The following NCOR2 variants were observed in gnomAD, a reference collection of about 807,000 sequenced individuals.
NCOR2 encodes CTG repeat protein 26.
NCOR2 carries 81 observed loss-of-function variants against 262.9 expected under a neutral mutation model. The observed-to-expected ratio is 0.31, with a 90% CI of 0.26 to 0.37. NCOR2 has a LOEUF of 0.37. NCOR2 is among the 10% of genes least tolerant of loss of function. The pLI, the probability that NCOR2 is intolerant of heterozygous loss-of-function variation, is 1.00. For missense variants in NCOR2, 3,385 were observed against 3,621.4 expected (o/e 0.93, Z 1.68); for synonymous variants, 1,659 against 1,559.3 (o/e 1.06, Z -1.51).
rs550220671 is a variant in NCOR2, at chr12:124,442,182, CT to C, written c.816-4187del. 2.4e-4 allele frequency among the ~76,000 whole-genome samples: 36 copies of C among 152,314 alleles called. No individual in the cohort carries two copies. In the East Asian group the frequency reaches 6.7e-3, roughly 29 times the overall value. On this transcript the variant is annotated intron_variant, in intron 7 of 46. Coordinates refer to ENST00000405201, the Ensembl canonical transcript of NCOR2. The stretch of plus-strand genomic sequence containing the variant: ...TTTTAGAGACAGGGTCTTACTCTGT[CT>C]CCCAGGCGGGAGTGCAGTGGCTCGA...
chr12:124,446,718 CAATGAAATTT>C (rs1208668932), intron 7 of NCOR2, among the ~76,000 whole-genome samples: 1 of 151,942 alleles, frequency 6.6e-6, no homozygotes, highest in East Asian at 1.9e-4. Context: ...AATGACTGCA[CAATGAAATTT>C]AATGATAACC....
chr12:124,337,183 G>A lies in NCOR2; in HGVS notation c.5688-3C>T, dbSNP rs1433085045. ...CGGGTGAGGAGGTGGAGGTGGACCT[G>A]GGGGAGGAGAGAAGGCGGTCAGGCA... On this transcript the variant is annotated splice_polypyrimidine_tract_variant and splice_region_variant and intron_variant, in intron 37 of 46. Coordinates refer to ENST00000405201, the Ensembl canonical transcript of NCOR2. 1.9e-6 allele frequency: 3 copies of A among 1,544,106 alleles called. No individual in the cohort carries two copies. Among genetic ancestry groups the A allele is most frequent in the African/African-American group, 2.7e-5 (2 of 72,984 alleles).
At chr12:124,334,012 G>A (rs1405140109) in intron 41 of NCOR2, among the ~76,000 whole-genome samples, 1 of 152,084 alleles carries the variant, frequency 6.6e-6, no homozygotes, top group Non-Finnish European at 1.5e-5. Flanking sequence ...GCGCATGTGT[G>A]TGGGTGTGCA....
At chr12:124,555,304 AG>A (rs1355571851) in intron 1 of NCOR2, among the ~76,000 whole-genome samples, 2 of 152,238 alleles carry the variant, frequency 1.3e-5, no homozygotes, top group African/African-American at 4.8e-5. Flanking sequence ...ACGCTGGGGC[AG>A]GGGGCACCCC....
chr12:124,356,570 A>G, intron 23 of NCOR2, 72 bp downstream of exon 25: 1 of 1,272,782 alleles, frequency 7.9e-7, no homozygotes, highest in Non-Finnish European at 1.0e-6. Context: ...TGCAGCTCTG[A>G]GCCAGTGCAA....
At chr12:124,390,482 C>G (rs1053291228) in intron 16 of NCOR2, among the ~76,000 whole-genome samples, 1 of 151,570 alleles carries the variant, frequency 6.6e-6, no homozygotes, top group Non-Finnish European at 1.5e-5. Flanking sequence ...AAAGTGACCC[C>G]CCCCCGTCGC....
chr12:124,417,047 G>A (rs1593443556), intron 13 of NCOR2, among the ~76,000 whole-genome samples: 1 of 151,738 alleles, frequency 6.6e-6, no homozygotes, highest in East Asian at 1.9e-4. Context: ...ACTCCTGAGA[G>A]CAAGCCGGAC....
rs2051653048 is a variant in NCOR2 at position 124,549,710 on chromosome 12, C to A, written c.-164-14099G>T. 6.6e-6 allele frequency among the ~76,000 whole-genome samples: 1 copy of A among 152,162 alleles called. No homozygotes were observed. The highest frequency in any genetic ancestry group is 1.5e-5 in the Non-Finnish European group (1 of 68,036). The stretch of plus-strand genomic sequence containing the variant: ...AACCGAGGCCCAGAAAGAAAACAGC[C>A]CGCCTGAAGGTGACAGAGCGCCTCG... On this transcript the variant is annotated intron_variant, in intron 1 of 32. Coordinates refer to the NCOR2 transcript ENST00000458234. The surrounding 1 kb of genome is among the most constrained non-coding windows in gnomAD (Gnocchi z 4.4).
chr12:124,492,051 A>G (rs1404551887), intron 1 of NCOR2, among the ~76,000 whole-genome samples: 1 of 152,158 alleles, frequency 6.6e-6, no homozygotes, highest in Non-Finnish European at 1.5e-5. Flanking sequence ...GAAGCCTCCC[A>G]TTTGTGCTGG....
At chr12:124,487,788 CATAGGGGGTAAA>C (rs1399550778) in intron 1 of NCOR2, among the ~76,000 whole-genome samples, 1 of 151,068 alleles carries the variant, frequency 6.6e-6, no homozygotes, top group Non-Finnish European at 1.5e-5. Flanking sequence ...TATCCATTAT[CATAGGGGGTAAA>C]ACTCAATATC....
chr12:124,501,058 GCGCGCACACA>G (rs1399341767), intron 1 of NCOR2, among the ~76,000 whole-genome samples: 6 of 66,258 alleles, frequency 9.1e-5, no homozygotes, highest in African/African-American at 3.1e-4. Flanking sequence ...GCGCGCGCAC[GCGCGCACACA>G]CACACACACA....
At chr12:124,562,441 G>A (rs7955898) in intron 1 of NCOR2, among the ~76,000 whole-genome samples, 12,268 of 152,250 alleles carry the variant, frequency 0.081, 679 homozygotes, top group East Asian at 0.13. Flanking sequence ...ATGGAAGCAC[G>A]ATTCAAACCC....
At chr12:124,376,292 C>G (rs1186630241) in intron 18 of NCOR2, among the ~76,000 whole-genome samples, 2 of 152,222 alleles carry the variant, frequency 1.3e-5, no homozygotes, top group East Asian at 3.8e-4. Context: ...TACGTAAGCT[C>G]TGCAAGCGAT....
chr12:124,550,048 C>G (rs1016498696), intron 1 of NCOR2, among the ~76,000 whole-genome samples: 1 of 152,202 alleles, frequency 6.6e-6, no homozygotes, highest in East Asian at 1.9e-4. Flanking sequence ...CAGAGGACCG[C>G]AGGCAATGTC....
intron 31 of NCOR2, among the ~76,000 whole-genome samples, chr12:124,346,170 C>G (rs11837984): frequency 1.3e-5 from 2 of 152,180 alleles, no homozygotes; most frequent in African/African-American, 4.8e-5. Context: ...ATTAAGAAAA[C>G]GACCTCAGAG....
intron 2 of NCOR2, 73 bp downstream of exon 4, chr12:124,486,368 C>T (rs2280532): frequency 0.11 from 170,975 of 1,583,174 alleles, 10,111 homozygotes; most frequent in East Asian, 0.17. Context: ...CCTGCTCTGC[C>T]ACGGGCCTCT....
chr12:124,418,047 T>C (rs11608348), intron 13 of NCOR2, among the ~76,000 whole-genome samples: 1,854 of 141,300 alleles, frequency 0.013, 18 homozygotes, highest in Admixed American at 0.019. Context: ...GGCGACGGTG[T>C]GAAACTCCAT....
At chr12:124,402,043 T>C (rs2342921) in intron 14 of NCOR2, among the ~76,000 whole-genome samples, 119,620 of 152,132 alleles carry the variant, frequency 0.79, 47,798 homozygotes, top group South Asian at 0.87. Flanking sequence ...CCTTTCCCCC[T>C]TCCTGGCGCC....
chr12:124,391,836 G>A lies in NCOR2; in HGVS notation c.1877-5949C>T, dbSNP rs190901436. Among the ~76,000 whole-genome samples, 10 of 152,310 alleles carry A rather than the reference G, an allele frequency of 6.6e-5. No individual in the cohort carries two copies. In the East Asian group the frequency reaches 1.5e-3, roughly 24 times the overall value. On this transcript the variant is annotated intron_variant, in intron 16 of 46. Transcript: ENST00000405201. ...TAAAGTCACCTGCATACGACCTGGC[G>A]CTGTCTCGCCTACCATTTCCGGAAG...
Sources: gnomAD v4.1 joint callset for allele counts (sites outside exome capture counted in the v4.1 genomes callset) on GRCh38, gnomAD v4.1.1 for gene constraint, Gnocchi (gnomAD v3.1) non-coding constraint, MANE v1.5 for transcripts, NCBI Gene and HGNC (gene_info 2026-07-23, HGNC 2026-07-21) for gene names.